The following NPTN variants were observed in gnomAD, a reference collection of about 807,000 sequenced individuals.
NPTN encodes the protein neuroplastin.
NPTN carries 5 observed loss-of-function variants against 42.7 expected under a neutral mutation model. The observed-to-expected ratio is 0.12, with a 90% CI of 0.06 to 0.25. The LOEUF (loss-of-function observed/expected upper bound fraction) is 0.25. Ranked by LOEUF, NPTN falls within the 10% of genes least tolerant of loss-of-function variation. The pLI is 1.00. For missense variants in NPTN, 307 were observed against 525.4 expected, an observed-to-expected ratio of 0.58 and a Z score of 4.06; for synonymous variants, 180 against 201.9, an observed-to-expected ratio of 0.89 and a Z score of 0.92.
chr15:73,572,050 A>G (rs1895428040), intron 5 of NPTN, among the ~76,000 whole-genome samples: 1 of 152,200 alleles, frequency 6.6e-6, no homozygotes, highest in Non-Finnish European at 1.5e-5. Context: ...AAGACTCAGC[A>G]TCTTCACCTC....
rs951184774 is a variant in NPTN at position 73,578,020 on chromosome 15, C to G, written c.707-4225G>C. On this transcript the variant is annotated intron_variant, in intron 4 of 8. Transcript: ENST00000345330. ...TATCTGTAGGAAGAACACTCTAGGT[C>G]GAGGGAAATGCAAAGGTCTTGAGGT... Among the ~76,000 whole-genome samples, 10 of 152,054 alleles carry G rather than the reference C, an allele frequency of 6.6e-5. No homozygotes were observed. In the East Asian group the frequency reaches 1.9e-3, roughly 29 times the overall value.
In NPTN at chr15:73,573,815, G is replaced by A. The variant is rs769866519; in HGVS notation, c.707-20C>T. Reference sequence around the variant, plus strand: ...GAGCGGCTGTGAGAAAGCGTTAGACGCAGTTACCACGGAAGTCTACTCCAA... The same window carrying A: ...GAGCGGCTGTGAGAAAGCGTTAGACACAGTTACCACGGAAGTCTACTCCAA... On this transcript the variant is annotated intron_variant, in intron 4 of 8. Transcript: ENST00000345330. The A allele has an allele frequency of 1.6e-5, 25 of 1,603,866 alleles. No individual in the cohort carries two copies. The highest frequency in any genetic ancestry group is 3.3e-4 in the Middle Eastern group (2 of 5,978).
At position 73,587,506 on chromosome 15, in the gene NPTN, G is replaced by C; in HGVS notation, c.706+18C>G. 6.3e-7 allele frequency: 1 copy of C among 1,589,540 alleles called. No individual in the cohort carries two copies. The highest frequency in any genetic ancestry group is 8.6e-7 in the Non-Finnish European group (1 of 1,158,214). On this transcript the variant is annotated intron_variant, in intron 4 of 8. Transcript: ENST00000345330. Reference sequence around the variant, plus strand: ...AGGAGAGTGAGAGGCTCACACCACAGCCTCTGCTGGGTTGTACCTTTCACT... The same window carrying C: ...AGGAGAGTGAGAGGCTCACACCACACCCTCTGCTGGGTTGTACCTTTCACT...
chr15:73,589,857 A>G (rs1249857880), intron 3 of NPTN, among the ~76,000 whole-genome samples: 1 of 151,928 alleles, frequency 6.6e-6, no homozygotes, highest in African/African-American at 2.4e-5. Flanking sequence ...TTCTTAAATC[A>G]TTATGCTCCC....
intron 1 of NPTN, among the ~76,000 whole-genome samples, chr15:73,617,447 A>C (rs1056697437): frequency 1.3e-5 from 2 of 152,204 alleles, no homozygotes; most frequent in Non-Finnish European, 2.9e-5. Flanking sequence ...ATCCTTCCTA[A>C]CTAACCACTG....
intron 6 of NPTN, chr15:73,568,487 C>T (rs551059395): frequency 1.0e-6 from 1 of 985,372 alleles, no homozygotes; most frequent in Non-Finnish European, 1.2e-6. Flanking sequence ...AGAGCCAAAG[C>T]TGAAAACACA....
At chr15:73,619,009 T>C (rs978424691) in intron 1 of NPTN, among the ~76,000 whole-genome samples, 2 of 146,314 alleles carry the variant, frequency 1.4e-5, no homozygotes, top group African/African-American at 5.1e-5. Context: ...CAGTGAGCTA[T>C]GATCATACCA....
intron 4 of NPTN, among the ~76,000 whole-genome samples, chr15:73,578,222 C>T (rs1228635350): frequency 6.6e-6 from 1 of 152,096 alleles, no homozygotes; most frequent in Admixed American, 6.5e-5. Flanking sequence ...CGGGAAGCCA[C>T]TGGTGAATAC....
chr15:73,591,999 G>A lies in NPTN; in HGVS notation c.578C>T (p.Ala193Val). 1 of 1,613,714 alleles carries A rather than the reference G, an allele frequency of 6.2e-7. No individual in the cohort carries two copies. Among genetic ancestry groups the A allele is most frequent in the Non-Finnish European group, 8.5e-7 (1 of 1,179,768 alleles). Residue 193 changes from alanine (A) to valine (V), a missense_variant, in exon 3 of 9, where the codon GCC (alanine) becomes GTC (valine). Around this residue, in one of 2 missense-constraint regions of NPTN, gnomAD observed 264 missense variants for 491.1 expected, o/e 0.54. Transcript: ENST00000345330. ...YWTKNGVELSATRKNASNMEY... is the reference protein window; with the variant it reads ...YWTKNGVELSVTRKNASNMEY... ...CATGTTGCTGGCATTCTTACGAGTG[G>A]CACTCAGTTCCACCCCATTCTTTGT... is the stretch of plus-strand genomic sequence containing the variant.
At chr15:73,568,327 T>A in intron 6 of NPTN, 1 of 985,422 alleles carries the variant, frequency 1.0e-6, no homozygotes, top group Non-Finnish European at 1.2e-6. Flanking sequence ...AAAAATCAGG[T>A]TCTGAAGTCC....
At chr15:73,614,079 G>A (rs771394360) in intron 1 of NPTN, among the ~76,000 whole-genome samples, 10 of 151,740 alleles carry the variant, frequency 6.6e-5, no homozygotes, top group Non-Finnish European at 1.3e-4. Context: ...TGGGAGGCTG[G>A]CGCAGGTAGA....
intron 1 of NPTN, among the ~76,000 whole-genome samples, chr15:73,622,385 TG>T (rs1898178022): frequency 6.6e-6 from 1 of 151,508 alleles, no homozygotes. Context: ...GGCACAAATA[TG>T]GAAAAGGGCA....
At position 73,580,952 on chromosome 15, in the gene NPTN, C is replaced by CT. The variant is rs143080318; in HGVS notation, c.706+6571dup. 5.8e-3 allele frequency among the ~76,000 whole-genome samples: 885 copies of CT among 152,210 alleles called. 6 individuals carry two copies. Among genetic ancestry groups the CT allele is most frequent in the African/African-American group, 0.02 (843 of 41,510 alleles). Reference sequence around the variant, plus strand: ...TTAGTATTGTAAAATAAGAGTAATACTCACATGTTTCAGAGGTCTTGTGAG... The same window carrying CT: ...TTAGTATTGTAAAATAAGAGTAATACTTCACATGTTTCAGAGGTCTTGTGAG... On this transcript the variant is annotated intron_variant, in intron 4 of 8. Transcript: ENST00000345330.
At chr15:73,584,928 T>C (rs1896243531) in intron 4 of NPTN, among the ~76,000 whole-genome samples, 1 of 152,188 alleles carries the variant, frequency 6.6e-6, no homozygotes, top group Non-Finnish European at 1.5e-5. Flanking sequence ...CCCAGGCCAC[T>C]GTCCCTCTGT....
At chr15:73,617,698 T>TTA (rs1163675184) in intron 1 of NPTN, among the ~76,000 whole-genome samples, 11 of 152,322 alleles carry the variant, frequency 7.2e-5, no homozygotes, top group African/African-American at 2.6e-4. Flanking sequence ...GACACTCTAC[T>TTA]AAGACACTAC....
At chr15:73,601,135 G>A (rs2141416707) in intron 1 of NPTN, among the ~76,000 whole-genome samples, 1 of 152,306 alleles carries the variant, frequency 6.6e-6, no homozygotes, top group East Asian at 1.9e-4. Context: ...GCGGAGACAG[G>A]TTTATGACTT....
intron 1 of NPTN, among the ~76,000 whole-genome samples, chr15:73,627,962 T>C (rs1019164382): frequency 3.9e-5 from 6 of 152,116 alleles, no homozygotes; most frequent in Admixed American, 1.3e-4. Flanking sequence ...GGGTTTCCTG[T>C]CTTCCCGAAG....
At chr15:73,601,725 G>C (rs1435456686) in intron 1 of NPTN, among the ~76,000 whole-genome samples, 1 of 152,164 alleles carries the variant, frequency 6.6e-6, no homozygotes, top group African/African-American at 2.4e-5. Flanking sequence ...TATCTTAAGT[G>C]ACTGGGCCCA....
At chr15:73,580,411 A>ATATATATAATATATATAT (rs1895934632) in intron 4 of NPTN, among the ~76,000 whole-genome samples, 1 of 97,958 alleles carries the variant, frequency 1.0e-5, no homozygotes, top group African/African-American at 4.6e-5. Flanking sequence ...TATATATATA[A>ATATATATAATATATATAT]TATATATATA....
Sources: gnomAD v4.1 joint callset for allele counts (sites outside exome capture counted in the v4.1 genomes callset) on GRCh38, gnomAD v4.1.1 for gene constraint, gnomAD v4.1.1 regional missense constraint, MANE v1.5 for transcripts, NCBI Gene and HGNC (gene_info 2026-07-23, HGNC 2026-07-21) for gene names.